Variants in TRPM1 observed in about 807,000 individuals in gnomAD.
The protein encoded by TRPM1 is transient receptor potential cation channel subfamily M member 1.
A neutral mutation model predicts 149.4 loss-of-function variants in TRPM1; 113 were observed. That is an observed-to-expected ratio of 0.76 (90% CI 0.65 to 0.88). The LOEUF is 0.88. TRPM1 is among the 40% of genes least tolerant of loss of function. The pLI is 0.00. For synonymous variants in TRPM1, 741 were observed against 759.5 expected (o/e 0.98, Z 0.40); for missense variants, 1,976 against 2,038.7 (o/e 0.97, Z 0.59).
chr15:31,033,057 C>A, intron 21 of TRPM1, 117 bp from the exon 22 acceptor site: 1 of 1,431,726 alleles, frequency 7.0e-7, no homozygotes, highest in Non-Finnish European at 9.7e-7. Flanking sequence ...CTTTCCTACT[C>A]AAAACGTTTA....
Position 31,067,875 on chromosome 15 carries a change from T to C in TRPM1, c.493+4A>G. 6.2e-7 allele frequency: 1 copy of C among 1,612,510 alleles called. No individual in the cohort carries two copies. The highest frequency in any genetic ancestry group is 1.3e-5 in the African/African-American group (1 of 74,982). The stretch of plus-strand genomic sequence containing the variant: ...TTATCGGGAGGGAAAGGGCCTGCTC[T>C]TACCTGTGCTGACACCCCCGGTGAA... On this transcript the variant is annotated splice_donor_region_variant and intron_variant, in intron 5 of 27. Coordinates refer to ENST00000256552, the MANE Select transcript of TRPM1 (RefSeq NM_001252024.2).
In TRPM1 at chr15:31,051,664, A is replaced by T. The variant is rs184868919; in HGVS notation, c.1264-1082T>A. 1.3e-3 allele frequency among the ~76,000 whole-genome samples: 199 copies of T among 151,338 alleles called. 2 individuals carry two copies. The highest frequency in any genetic ancestry group is 2.0e-3 in the East Asian group (10 of 5,122). The stretch of plus-strand genomic sequence containing the variant: ...TCTGTCCTCAGCCTTCTACCTTTCC[A>T]CTCTACTCTCTTCCTTGACGACCTC... On this transcript the variant is annotated intron_variant, in intron 11 of 27. Transcript: ENST00000256552.
intron 14 of TRPM1, 53 bp from the exon 15 acceptor site, chr15:31,047,304 C>T (rs1204684025): frequency 1.1e-5 from 17 of 1,608,098 alleles, no homozygotes; most frequent in Non-Finnish European, 1.4e-5. Flanking sequence ...GCAGTGTGGA[C>T]TTCATCACAC....
chr15:31,082,257 C>T (rs898400059), intron 1 of TRPM1, among the ~76,000 whole-genome samples: 10 of 152,168 alleles, frequency 6.6e-5, no homozygotes, highest in Non-Finnish European at 1.3e-4. Flanking sequence ...TTTTGAATGC[C>T]TCTGTGCCGG....
intron 13 of TRPM1, among the ~76,000 whole-genome samples, chr15:31,048,223 A>G (rs374149477): frequency 1.3e-5 from 2 of 152,148 alleles, no homozygotes; most frequent in South Asian, 2.1e-4. Flanking sequence ...TTGCACCACT[A>G]TACTCCAGCC....
chr15:31,035,609 C>T lies in TRPM1; in HGVS notation c.2637G>A (p.Pro879=), dbSNP rs776938008. The part of the protein sequence containing the change: ...YVILVRMDGW[P]SLQEWIVISY... ...AGATGACGATCCACTCCTGGAGGGA[C>T]GGCCAGCCATCCATCCGCACCAGGA... is the stretch of plus-strand genomic sequence containing the variant. Residue 879 remains proline, a synonymous_variant, in exon 21 of 28, where the codon CCG becomes CCA. Coordinates refer to ENST00000256552, the MANE Select transcript of TRPM1 (RefSeq NM_001252024.2). 2.7e-5 allele frequency: 44 copies of T among 1,613,998 alleles called. No homozygotes were observed. The highest frequency in any genetic ancestry group is 1.5e-4 in the African/African-American group (11 of 74,932).
At position 31,040,043 on chromosome 15, in the gene TRPM1, A is replaced by C. The variant is rs753641935; in HGVS notation, c.2316+75T>G. 1.8e-5 allele frequency: 24 copies of C among 1,307,588 alleles called. No homozygotes were observed. The highest frequency in any genetic ancestry group is 2.7e-5 in the Non-Finnish European group (24 of 904,260). 81.0% of individuals were successfully genotyped at this position (1,307,588 alleles called of 1,614,324 possible). ...AGGAATAAATGAAATAAGCCACAGA[A>C]AGTGCTCAGTTCAGCCTGGCAGAGA... On this transcript the variant is annotated intron_variant, in intron 18 of 27. Transcript: ENST00000256552. This position sits in a 1 kb window ranked among gnomAD's most constrained non-coding sequence, Gnocchi z 4.2.
intron 1 of TRPM1, among the ~76,000 whole-genome samples, chr15:31,114,507 A>G (rs2035771523): frequency 6.6e-6 from 1 of 152,264 alleles, no homozygotes; most frequent in Non-Finnish European, 1.5e-5. Context: ...TAATAAACAC[A>G]AAGAAATACA....
chr15:31,065,888 C>A (rs1350138197), intron 7 of TRPM1, among the ~76,000 whole-genome samples, 188 bp downstream of exon 7: 1 of 152,196 alleles, frequency 6.6e-6, no homozygotes, highest in Non-Finnish European at 1.5e-5. Flanking sequence ...AAAGCATCCC[C>A]ATGTAGCCCA....
At chr15:31,088,720 A>T (rs1039082523) in intron 1 of TRPM1, among the ~76,000 whole-genome samples, 1 of 151,550 alleles carries the variant, frequency 6.6e-6, no homozygotes, top group African/African-American at 2.4e-5. Context: ...TATGAGATTG[A>T]CTGAAGCGGC....
intron 20 of TRPM1, among the ~76,000 whole-genome samples, chr15:31,036,384 T>C (rs946470466): frequency 6.6e-6 from 1 of 152,054 alleles, no homozygotes; most frequent in Non-Finnish European, 1.5e-5. Context: ...GTGGAAGGCT[T>C]GGGGGAGGGG....
chr15:31,014,035 G>T (rs2032275432), intron 27 of TRPM1, among the ~76,000 whole-genome samples: 1 of 152,178 alleles, frequency 6.6e-6, no homozygotes, highest in African/African-American at 2.4e-5. Flanking sequence ...GATCAAGTCA[G>T]CCAGAAATGA....
In TRPM1 at chr15:31,041,988, C is replaced by T. The variant is rs1446214654; in HGVS notation, c.2050G>A (p.Val684Met). 1.9e-6 allele frequency: 3 copies of T among 1,614,062 alleles called. No individual in the cohort carries two copies. Among genetic ancestry groups the T allele is most frequent in the East Asian group, 2.2e-5 (1 of 44,888 alleles). ...MAHESSESDL[V>M]DDISQDLDNN... ...TCCAAGTCCTGGGAGATGTCATCCA[C>T]CAGATCACTCTCGGAGGACTCGTGG... The change falls in exon 17 of 28, where the codon GTG (valine) becomes ATG (methionine). Residue 684 changes from valine to methionine, a missense_variant. Around this residue, in one of 3 missense-constraint regions of TRPM1, gnomAD observed 1,332 missense variants for 1,347.1 expected, o/e 0.99. Coordinates refer to ENST00000256552, the MANE Select transcript of TRPM1 (RefSeq NM_001252024.2).
intron 1 of TRPM1, among the ~76,000 whole-genome samples, chr15:31,108,829 C>G (rs1274521873): frequency 1.3e-5 from 2 of 152,152 alleles, no homozygotes; most frequent in Non-Finnish European, 2.9e-5. Context: ...TCCTACATAC[C>G]AAATATGGTG....
In TRPM1 at chr15:31,129,469, C is replaced by A. The variant is rs552993007; in HGVS notation, c.54+31437G>T. On this transcript the variant is annotated intron_variant, in intron 1 of 26. Coordinates refer to the TRPM1 transcript ENST00000542188. ...TGCCCACTCAGCTCTCTGCTGCCCC[C>A]ACCTGGCCGCCTCCAGTGCCGACCT... Among the ~76,000 whole-genome samples, 22 of 152,296 alleles carry A rather than the reference C, an allele frequency of 1.4e-4. 1 individual carries two copies. In the South Asian group the frequency reaches 4.6e-3, roughly 32 times the overall value.
chr15:31,072,881 T>A (rs937399451), intron 3 of TRPM1, among the ~76,000 whole-genome samples: 2 of 152,292 alleles, frequency 1.3e-5, no homozygotes, highest in Admixed American at 6.5e-5. Flanking sequence ...TATTTTTTTT[T>A]AATTATTGGA....
At chr15:31,122,047 T>C (rs140393672) in intron 1 of TRPM1, among the ~76,000 whole-genome samples, 86 of 152,314 alleles carry the variant, frequency 5.6e-4, no homozygotes, top group South Asian at 2.3e-3. Context: ...AAATCGATCA[T>C]TGTAATTCAT....
chr15:31,043,978 T>A (rs1050500082), intron 16 of TRPM1, among the ~76,000 whole-genome samples: 17 of 152,064 alleles, frequency 1.1e-4, no homozygotes, highest in Non-Finnish European at 2.2e-4. Flanking sequence ...CATATTACCA[T>A]AGTTGAGTAA....
chr15:31,002,501 G>A lies in TRPM1; in HGVS notation c.4199C>T (p.Ser1400Phe), dbSNP rs2031817709. 2.5e-6 allele frequency: 4 copies of A among 1,614,122 alleles called. No homozygotes were observed. Among genetic ancestry groups the A allele is most frequent in the Non-Finnish European group, 8.5e-7 (1 of 1,180,022 alleles). Residue 1400 changes from serine to phenylalanine, a missense_variant, in exon 28 of 28, where the codon TCC becomes TTC. Coordinates refer to ENST00000256552, the MANE Select transcript of TRPM1 (RefSeq NM_001252024.2). Reference sequence around the variant, plus strand: ...CACATCTGTTTTATTTAAACTTGGGGAAATAGTTTCTTCTTTTTTAGAGTC... The same window carrying A: ...CACATCTGTTTTATTTAAACTTGGGAAAATAGTTTCTTCTTTTTTAGAGTC... The part of the protein sequence containing the change: ...QTDSKKEETI[S>F]PSLNKTDVIH...
Sources: gnomAD v4.1 joint callset for allele counts (sites outside exome capture counted in the v4.1 genomes callset) on GRCh38, gnomAD v4.1.1 for gene constraint, gnomAD v4.1.1 regional missense constraint, Gnocchi (gnomAD v3.1) non-coding constraint, MANE v1.5 for transcripts, NCBI Gene and HGNC (gene_info 2026-07-23, HGNC 2026-07-21) for gene names.